Variants in CPQ observed in about 807,000 individuals in gnomAD.
CPQ encodes the protein Ser-Met dipeptidase.
In CPQ, 37 loss-of-function variants were observed where a neutral mutation model predicts 45.7. The observed-to-expected ratio is 0.81, with a 90% CI of 0.62 to 1.07. The LOEUF is 1.07. CPQ is among the 50% of genes least tolerant of loss of function. The pLI is 0.00. For synonymous variants in CPQ, 186 were observed against 205.8 expected (o/e 0.90, Z 0.82); for missense variants, 537 against 572.9 (o/e 0.94, Z 0.64).
chr8:96,854,530 C>CAAAAAAAAAAAAAAAAAAAA (rs1156706371), intron 3 of CPQ, among the ~76,000 whole-genome samples: 10 of 8,690 alleles, frequency 1.2e-3, no homozygotes, highest in Non-Finnish European at 3.2e-3. Context: ...GACTCCGTCT[C>CAAAAAAAAAAAAAAAAAAAA]AAAAAAAAAA....
At chr8:96,979,050 TAA>T (rs33942399) in intron 5 of CPQ, among the ~76,000 whole-genome samples, 3 of 142,110 alleles carry the variant, frequency 2.1e-5, no homozygotes, top group African/African-American at 5.1e-5. Flanking sequence ...TAGGAAGTGG[TAA>T]AAAAAAAAAA....
chr8:97,106,079 G>A (rs1811399326), intron 7 of CPQ, among the ~76,000 whole-genome samples: 1 of 152,186 alleles, frequency 6.6e-6, no homozygotes, highest in African/African-American at 2.4e-5. Context: ...TTCTGATGAT[G>A]GCCACGAATG....
intron 4 of CPQ, among the ~76,000 whole-genome samples, chr8:96,897,457 C>T (rs572070307): frequency 6.6e-5 from 10 of 152,224 alleles, no homozygotes; most frequent in Non-Finnish European, 8.8e-5. Flanking sequence ...TCTAAAAATA[C>T]AAACTCTGGA....
intron 6 of CPQ, among the ~76,000 whole-genome samples, chr8:97,041,874 G>A (rs1810132488): frequency 6.6e-6 from 1 of 152,160 alleles, no homozygotes; most frequent in South Asian, 2.1e-4. Flanking sequence ...ATGTGCTGCT[G>A]GATTCAGTTT....
chr8:97,023,685 T>G (rs576085405), intron 5 of CPQ, among the ~76,000 whole-genome samples: 116 of 152,300 alleles, frequency 7.6e-4, no homozygotes, highest in South Asian at 4.8e-3. Context: ...TTAAGACCTG[T>G]TCCACAAACA....
At chr8:96,688,071 T>C (rs1174228510) in intron 1 of CPQ, among the ~76,000 whole-genome samples, 1 of 152,142 alleles carries the variant, frequency 6.6e-6, no homozygotes, top group Admixed American at 6.5e-5. Flanking sequence ...TATTTTCTAA[T>C]TTAAGACTTC....
intron 5 of CPQ, among the ~76,000 whole-genome samples, chr8:97,013,963 T>A (rs1480319348): frequency 1.3e-5 from 2 of 152,216 alleles, no homozygotes; most frequent in Admixed American, 6.5e-5. Flanking sequence ...ATATGCTATG[T>A]GGTGATCCAC....
At chr8:96,951,583 T>C (rs2853252) in intron 4 of CPQ, among the ~76,000 whole-genome samples, 77,088 of 151,910 alleles carry the variant, frequency 0.51, 21,657 homozygotes, top group African/African-American at 0.77. Flanking sequence ...TCCCTTTTTG[T>C]AAGCTATTAT....
At chr8:97,028,642 G>T (rs1291760062) in intron 5 of CPQ, among the ~76,000 whole-genome samples, 1 of 152,130 alleles carries the variant, frequency 6.6e-6, no homozygotes, top group Non-Finnish European at 1.5e-5. Context: ...CAGCTTCCTT[G>T]TAGGTAACTT....
At chr8:96,832,694 G>A (rs187084894) in intron 2 of CPQ, among the ~76,000 whole-genome samples, 2 of 152,268 alleles carry the variant, frequency 1.3e-5, no homozygotes, top group Non-Finnish European at 1.5e-5. Flanking sequence ...GGAATCTTGA[G>A]GGATGCATAG....
intron 3 of CPQ, among the ~76,000 whole-genome samples, chr8:96,868,955 T>C (rs745809929): frequency 7.9e-5 from 12 of 152,120 alleles, no homozygotes; most frequent in Admixed American, 5.2e-4. Context: ...TTTTAGAGCA[T>C]TTTAAAACAA....
chr8:96,991,810 A>ATGTT (rs1436144290), intron 5 of CPQ, among the ~76,000 whole-genome samples: 1 of 152,010 alleles, frequency 6.6e-6, no homozygotes, highest in African/African-American at 2.4e-5. Context: ...GATCCTTATT[A>ATGTT]TGTTTGATGT....
intron 1 of CPQ, among the ~76,000 whole-genome samples, chr8:96,649,698 T>C (rs1462255466): frequency 6.6e-6 from 1 of 152,212 alleles, no homozygotes; most frequent in Non-Finnish European, 1.5e-5. Context: ...TTTCTGTAGC[T>C]GTGCTGTGAT....
intron 4 of CPQ, among the ~76,000 whole-genome samples, chr8:96,896,597 A>G (rs1812446166): frequency 6.6e-6 from 1 of 152,166 alleles, no homozygotes; most frequent in Non-Finnish European, 1.5e-5. Flanking sequence ...ATTGCTCATC[A>G]GACAACATTC....
intron 6 of CPQ, among the ~76,000 whole-genome samples, chr8:97,034,891 ATT>A (rs111486679): frequency 6.5e-5 from 8 of 122,992 alleles, no homozygotes; most frequent in Non-Finnish European, 8.8e-5. Context: ...GTCCCTTTCT[ATT>A]TTTTTTTTTT....
intron 6 of CPQ, among the ~76,000 whole-genome samples, chr8:97,059,653 G>A (rs1810513566): frequency 6.6e-6 from 1 of 152,160 alleles, no homozygotes; most frequent in South Asian, 2.1e-4. Context: ...CTGAAGCTCT[G>A]TAAAGAAATC....
At chr8:97,080,462 G>A (rs1810926733) in intron 7 of CPQ, among the ~76,000 whole-genome samples, 1 of 152,162 alleles carries the variant, frequency 6.6e-6, no homozygotes, top group African/African-American at 2.4e-5. Flanking sequence ...CACAATTAAA[G>A]AGATTTTGGT....
chr8:96,690,575 T>A (rs1275075165), intron 1 of CPQ, among the ~76,000 whole-genome samples: 4 of 152,184 alleles, frequency 2.6e-5, no homozygotes, highest in Non-Finnish European at 5.9e-5. Context: ...GATTGTTAGT[T>A]TTTCTGTTAG....
chr8:96,731,803 C>G (rs1213485395), intron 1 of CPQ, among the ~76,000 whole-genome samples: 1 of 151,830 alleles, frequency 6.6e-6, no homozygotes, highest in African/African-American at 2.4e-5. Flanking sequence ...TTTTTGTAAA[C>G]AATAGATTTT....
Sources: allele counts gnomAD v4.1 joint callset (sites outside exome capture counted in the v4.1 genomes callset), GRCh38; gene constraint gnomAD v4.1.1; transcripts MANE v1.5; gene names NCBI Gene and HGNC (gene_info 2026-07-23, HGNC 2026-07-21).